Variants in MORC1 observed in about 807,000 individuals in gnomAD.
MORC1 encodes MORC family CW-type zinc finger protein 1.
MORC1 carries 59 observed loss-of-function variants against 134.9 expected under a neutral mutation model. The ratio of observed to expected loss-of-function variants is 0.44; its 90% CI spans 0.35 to 0.54. MORC1 has a LOEUF of 0.54. Ranked by LOEUF, MORC1 falls within the 20% of genes least tolerant of loss-of-function variation. MORC1 has a pLI of 0.00. For missense variants in MORC1, 947 were observed against 1,134.5 expected, an observed-to-expected ratio of 0.83 and a Z score of 2.37; for synonymous variants, 395 against 391.7, an observed-to-expected ratio of 1.01 and a Z score of -0.10.
At chr3:109,094,771 T>C (rs964905227) in intron 7 of MORC1, 138 bp downstream of exon 7, 2 of 791,740 alleles carry the variant, frequency 2.5e-6, no homozygotes, top group Admixed American at 8.3e-5. Flanking sequence ...CTCATATGGA[T>C]AAAATAAATG....
At chr3:109,072,934 A>AACACACACAC (rs58749136) in intron 8 of MORC1, among the ~76,000 whole-genome samples, 3,729 of 144,724 alleles carry the variant, frequency 0.026, 146 homozygotes, top group African/African-American at 0.093. Context: ...AATCTCCCTC[A>AACACACACAC]ACACACACAC....
intron 4 of MORC1, among the ~76,000 whole-genome samples, chr3:109,102,664 G>A (rs534882116): frequency 1.1e-3 from 169 of 152,244 alleles, no homozygotes; most frequent in African/African-American, 3.7e-3. Context: ...TCACTTGTCT[G>A]TGTTTCAAAC....
intron 13 of MORC1, among the ~76,000 whole-genome samples, chr3:109,055,511 T>C (rs531122864): frequency 7.2e-5 from 11 of 152,320 alleles, no homozygotes; most frequent in African/African-American, 1.7e-4. Flanking sequence ...AGTGTTTTCT[T>C]ACCACTTCAC....
intron 17 of MORC1, among the ~76,000 whole-genome samples, chr3:109,025,363 T>C (rs1949048448): frequency 6.7e-6 from 1 of 148,664 alleles, no homozygotes; most frequent in African/African-American, 2.5e-5. Context: ...CTTTCTTTGG[T>C]TTCTTTTTCT....
intron 8 of MORC1, among the ~76,000 whole-genome samples, chr3:109,075,945 ACCAAAAGCAATGGCGACAAAAG>A: frequency 6.6e-6 from 1 of 152,134 alleles, no homozygotes; most frequent in Non-Finnish European, 1.5e-5. Context: ...GAATGAAAAC[ACCAAAAGCAATGGCGACAAAAG>A]CCAAAATTGA....
intron 17 of MORC1, among the ~76,000 whole-genome samples, chr3:109,026,193 A>C (rs968880602): frequency 6.6e-6 from 1 of 152,188 alleles, no homozygotes; most frequent in African/African-American, 2.4e-5. Context: ...ATCTTTTCAC[A>C]AAAAGATTTT....
chr3:109,011,747 C>T (rs570003911), intron 17 of MORC1, among the ~76,000 whole-genome samples: 2 of 152,218 alleles, frequency 1.3e-5, no homozygotes, highest in African/African-American at 4.8e-5. Context: ...TCTTGAACTC[C>T]CAACGTCAGG....
chr3:109,102,174 C>A (rs1297836332), intron 4 of MORC1, among the ~76,000 whole-genome samples: 1 of 152,074 alleles, frequency 6.6e-6, no homozygotes, highest in Non-Finnish European at 1.5e-5. Flanking sequence ...TCAGGGAAGG[C>A]CACTGGCAGA....
intron 3 of MORC1, among the ~76,000 whole-genome samples, chr3:109,107,870 G>C (rs1253321606): frequency 6.6e-6 from 1 of 152,144 alleles, no homozygotes; most frequent in Non-Finnish European, 1.5e-5. Flanking sequence ...TATAAGTTCA[G>C]TTTTTCACAA....
intron 21 of MORC1, among the ~76,000 whole-genome samples, chr3:108,989,518 A>T (rs1215621241): frequency 6.6e-6 from 1 of 152,144 alleles, no homozygotes; most frequent in Admixed American, 6.5e-5. Flanking sequence ...ATAAATCATA[A>T]ATAAGTCAGA....
chr3:109,041,007 T>C (rs968067574), intron 14 of MORC1, among the ~76,000 whole-genome samples: 15 of 151,532 alleles, frequency 9.9e-5, no homozygotes, highest in African/African-American at 3.6e-4. Flanking sequence ...AGAGTCAGAT[T>C]TGAGAAAGCA....
chr3:109,069,869 A>G, intron 8 of MORC1, 112 bp from the exon 9 acceptor site: 1 of 1,194,422 alleles, frequency 8.4e-7, no homozygotes, highest in South Asian at 2.4e-5. Flanking sequence ...AGAAGCTTCA[A>G]GAACTTTTCT....
intron 21 of MORC1, among the ~76,000 whole-genome samples, chr3:108,990,329 A>C (rs1010831725): frequency 1.3e-5 from 2 of 152,132 alleles, no homozygotes; most frequent in African/African-American, 4.8e-5. Context: ...GTTCCTGCAT[A>C]ATCTGACCCC....
rs562280562 is a variant in MORC1 at position 109,021,849 on chromosome 3, T to C, written c.1704+5902A>G. ...AGTTGAACTCCTGTTAGACATCTAC[T>C]GTGCCCAGCATTGCACCAGGTGTGG... On this transcript the variant is annotated intron_variant, in intron 17 of 27. Transcript: ENST00000232603. Among the ~76,000 whole-genome samples, 3 of 152,358 alleles carry C rather than the reference T, an allele frequency of 2.0e-5. No homozygotes were observed. In the East Asian group the frequency reaches 5.8e-4, roughly 29 times the overall value.
intron 9 of MORC1, among the ~76,000 whole-genome samples, chr3:109,063,974 G>A (rs1010583848): frequency 3.1e-4 from 47 of 152,028 alleles, no homozygotes; most frequent in African/African-American, 1.1e-3. Flanking sequence ...TTTGGTTTGA[G>A]AATCCTCAAA....
chr3:108,979,509 C>A lies in MORC1; in HGVS notation c.2477+6G>T, dbSNP rs763595781. 2.1e-5 allele frequency: 34 copies of A among 1,613,374 alleles called. No individual in the cohort carries two copies. The highest frequency in any genetic ancestry group is 2.9e-5 in the Non-Finnish European group (34 of 1,179,752). ...CATGTGGAAATATGTGAGTAAATAT[C>A]TTTACCTTAACTTAGACTTCAGTTT... On this transcript the variant is annotated splice_donor_region_variant and intron_variant, in intron 24 of 27. Coordinates refer to ENST00000232603, the MANE Select transcript of MORC1 (RefSeq NM_014429.4).
At chr3:109,070,438 A>T (rs1289453866) in intron 8 of MORC1, among the ~76,000 whole-genome samples, 1 of 152,208 alleles carries the variant, frequency 6.6e-6, no homozygotes, top group Middle Eastern at 3.2e-3. Flanking sequence ...TCGCCATGTC[A>T]TTGTATACTT....
intron 3 of MORC1, among the ~76,000 whole-genome samples, chr3:109,108,780 G>T (rs1330759622): frequency 6.6e-6 from 1 of 151,908 alleles, no homozygotes; most frequent in Non-Finnish European, 1.5e-5. Context: ...GGCACATGTA[G>T]TCCCAGCTAC....
At position 109,032,578 on chromosome 3, in the gene MORC1, T is replaced by TA. The variant is rs1486732876; in HGVS notation, c.1565+141dup. ...GCCAATGAAATAATCTTTGCACAGGTAGCAGGGCATTAGAAAGAGTTTGAA... is the reference window on the plus strand; with the variant it reads ...GCCAATGAAATAATCTTTGCACAGGTAAGCAGGGCATTAGAAAGAGTTTGAA... On this transcript the variant is annotated intron_variant, in intron 16 of 27. Coordinates refer to ENST00000232603, the MANE Select transcript of MORC1 (RefSeq NM_014429.4). 4.9e-6 allele frequency: 3 copies of TA among 608,340 alleles called. No individual in the cohort carries two copies. The African/African-American group carries it at 5.7e-5, about 12-fold the overall frequency. The allele number at this position is 608,340 out of a possible 1,614,324, so 37.7% of individuals were successfully genotyped here. A position where few individuals can be genotyped will look rare whatever the true frequency, so the allele number is the denominator to read the frequency against.
Sources: gnomAD v4.1 joint callset for allele counts (sites outside exome capture counted in the v4.1 genomes callset) on GRCh38, gnomAD v4.1.1 for gene constraint, MANE v1.5 for transcripts, NCBI Gene and HGNC (gene_info 2026-07-23, HGNC 2026-07-21) for gene names.